Variants in CLHC1 observed in about 807,000 individuals in gnomAD.
The protein encoded by CLHC1 is clathrin heavy chain linker domain-containing protein 1.
Under a neutral mutation model 69.5 loss-of-function variants are expected in CLHC1, and 72 were observed. The observed-to-expected ratio is 1.04, with a 90% confidence interval of 0.86 to 1.26. The LOEUF is 1.26. CLHC1 is among the 50% of genes most tolerant of loss of function. The pLI is 0.00. For synonymous variants in CLHC1, 223 were observed against 224.3 expected (o/e 0.99, Z 0.05); for missense variants, 790 against 679.3 (o/e 1.16, Z -1.81).
intron 7 of CLHC1, 73 bp from the exon 8 acceptor site, chr2:55,208,783 G>T: frequency 1.0e-6 from 1 of 964,762 alleles, no homozygotes; most frequent in Non-Finnish European, 1.6e-6. Context: ...ACATACATGT[G>T]TTTAATACCA....
chr2:55,177,661 G>GAGAACAGATGAAGTATAGCAAGACC lies in CLHC1; in HGVS notation c.1480_1504dup (p.Ser502TrpfsTer18). The GAGAACAGATGAAGTATAGCAAGACC allele has an allele frequency of 6.2e-7, 1 of 1,612,458 alleles. No individual in the cohort carries two copies. The highest frequency in any genetic ancestry group is 8.5e-7 in the Non-Finnish European group (1 of 1,178,922). Reference sequence around the variant, plus strand: ...AATGCCAACTTTTTTCATGTCTGCAGAGAACAGATGAAGTATAGCAAGACC... The same window carrying GAGAACAGATGAAGTATAGCAAGACC: ...AATGCCAACTTTTTTCATGTCTGCAGAGAACAGATGAAGTATAGCAAGACCAGAACAGATGAAGTATAGCAAGACC... On this transcript the variant is annotated frameshift_variant, in exon 12 of 13. Coordinates refer to ENST00000401408, the MANE Select transcript of CLHC1 (RefSeq NM_152385.4). LOFTEE classifies it high-confidence loss of function.
At chr2:55,196,731 G>A (rs1161611653) in intron 9 of CLHC1, among the ~76,000 whole-genome samples, 1 of 152,208 alleles carries the variant, frequency 6.6e-6, no homozygotes, top group East Asian at 1.9e-4. Flanking sequence ...GTAAGACTCT[G>A]AGATATGCTG....
At chr2:55,190,162 A>C (rs555529737) in intron 9 of CLHC1, among the ~76,000 whole-genome samples, 1 of 152,006 alleles carries the variant, frequency 6.6e-6, no homozygotes, top group East Asian at 1.9e-4. Context: ...CTCCTGCCTC[A>C]GCCTCCCGAG....
chr2:55,224,520 G>T, intron 2 of CLHC1: 1 of 311,510 alleles, frequency 3.2e-6, no homozygotes, highest in South Asian at 2.7e-5. Flanking sequence ...AGTGATCCTG[G>T]AGTCTGAGAA....
Position 55,218,030 on chromosome 2 carries a change from A to G in CLHC1, c.178-32T>C, listed in dbSNP as rs778530225. 7 of 1,220,942 alleles carry G rather than the reference A, an allele frequency of 5.7e-6. No individual in the cohort carries two copies. The Admixed American group carries it at 8.9e-5, about 16-fold the overall frequency. 75.6% of individuals were successfully genotyped at this position (1,220,942 alleles called of 1,614,324 possible). ...TATTATTTTTCTGCCTATGGTATTG[A>G]TTTTTTTTCTAGGAGGCTATGGATT... On this transcript the variant is annotated intron_variant, in intron 3 of 12. Coordinates refer to ENST00000401408, the MANE Select transcript of CLHC1 (RefSeq NM_152385.4).
Position 55,195,632 on chromosome 2 carries a change from T to G in CLHC1, c.1006+10638A>C, listed in dbSNP as rs1190333769. On this transcript the variant is annotated intron_variant, in intron 9 of 12. Transcript: ENST00000401408. Reference sequence around the variant, plus strand: ...GCCTGGCCAACATGGTGAAACCCCATCTCTACTAAAAATACAAAAATTAGC... The same window carrying G: ...GCCTGGCCAACATGGTGAAACCCCAGCTCTACTAAAAATACAAAAATTAGC... 2.0e-5 allele frequency among the ~76,000 whole-genome samples: 3 copies of G among 151,942 alleles called. No individual in the cohort carries two copies. The East Asian group carries it at 5.8e-4, about 29-fold the overall frequency.
At chr2:55,209,342 A>ACTAG (rs1672756650) in intron 7 of CLHC1, 62 bp downstream of exon 7, 2 of 992,844 alleles carry the variant, frequency 2.0e-6, no homozygotes, top group South Asian at 1.5e-5. Flanking sequence ...CCCCATTCTA[A>ACTAG]CTAGCTAGCG....
Position 55,212,663 on chromosome 2 carries a change from A to T in CLHC1, c.499+10T>A. ...GATTTCTCTCAAATATTTTAAACAA[A>T]ATACAATACCTGGAATAGGTTTTGA... On this transcript the variant is annotated intron_variant, in intron 5 of 12. Transcript: ENST00000401408. 6.3e-7 allele frequency: 1 copy of T among 1,581,166 alleles called. No individual in the cohort carries two copies.
chr2:55,223,819 G>T (rs1294544206), intron 2 of CLHC1, among the ~76,000 whole-genome samples: 1 of 150,958 alleles, frequency 6.6e-6, no homozygotes, highest in Non-Finnish European at 1.5e-5. Flanking sequence ...TTTTTGAGAC[G>T]GAGTCTCGCT....
chr2:55,176,104 G>T (rs1669367270), intron 12 of CLHC1, 118 bp from the exon 13 acceptor site: 1 of 789,298 alleles, frequency 1.3e-6, no homozygotes, highest in Admixed American at 2.7e-5. Flanking sequence ...AACTCTACCT[G>T]ATTCCCCTAA....
rs1263638775 is a variant in CLHC1, at chr2:55,212,810, G to C, written c.366-4C>G. 12 of 1,597,662 alleles carry C rather than the reference G, an allele frequency of 7.5e-6. No homozygotes were observed. The highest frequency in any genetic ancestry group is 2.7e-5 in the African/African-American group (2 of 74,532). ...ATTACTTTCGATAATCCTCATTCTGGAAAACAGAAAGGCTTTCTTATGTCT... is the reference window on the plus strand; with the variant it reads ...ATTACTTTCGATAATCCTCATTCTGCAAAACAGAAAGGCTTTCTTATGTCT... On this transcript the variant is annotated splice_polypyrimidine_tract_variant and splice_region_variant and intron_variant, in intron 4 of 12. Coordinates refer to ENST00000401408, the MANE Select transcript of CLHC1 (RefSeq NM_152385.4).
At chr2:55,188,453 C>A (rs1329672451) in intron 9 of CLHC1, among the ~76,000 whole-genome samples, 2 of 152,068 alleles carry the variant, frequency 1.3e-5, no homozygotes, top group African/African-American at 2.4e-5. Context: ...ACACTACCAA[C>A]CATTGTCAAA....
intron 9 of CLHC1, among the ~76,000 whole-genome samples, chr2:55,193,747 T>C (rs1671145183): frequency 6.6e-6 from 1 of 152,136 alleles, no homozygotes; most frequent in Non-Finnish European, 1.5e-5. Flanking sequence ...ACCATATAAT[T>C]TAGCTTGGCA....
At chr2:55,197,898 T>C (rs1671573029) in intron 9 of CLHC1, among the ~76,000 whole-genome samples, 1 of 152,154 alleles carries the variant, frequency 6.6e-6, no homozygotes, top group South Asian at 2.1e-4. Flanking sequence ...ATATGTAACC[T>C]TTCAGGCAGA....
rs1674204113 is a variant in CLHC1 at position 55,222,275 on chromosome 2, G to A, written c.137C>T (p.Ala46Val). Residue 46 changes from alanine to valine, a missense_variant, in exon 3 of 13, where the codon GCT becomes GTT. Transcript: ENST00000401408. ...TCGGTATATGATGTAATATTCATCAGCAGGTCCTTCCTCACTACAGCCCAG... is the reference window on the plus strand; with the variant it reads ...TCGGTATATGATGTAATATTCATCAACAGGTCCTTCCTCACTACAGCCCAG... Reference protein sequence around the residue: ...ERLGCSEEGPADEYYIIYRNV... With the variant: ...ERLGCSEEGPVDEYYIIYRNV... The A allele has an allele frequency of 1.9e-6, 3 of 1,613,432 alleles. No homozygotes were observed. The highest frequency in any genetic ancestry group is 2.5e-6 in the Non-Finnish European group (3 of 1,179,602).
intron 3 of CLHC1, among the ~76,000 whole-genome samples, chr2:55,219,057 G>T (rs1465214592): frequency 6.6e-6 from 1 of 152,144 alleles, no homozygotes; most frequent in African/African-American, 2.4e-5. Flanking sequence ...GGTGATACTT[G>T]TGGTCTTTTA....
intron 2 of CLHC1, chr2:55,224,435 T>C: frequency 2.4e-6 from 1 of 424,974 alleles, no homozygotes; most frequent in Non-Finnish European, 4.8e-6. Context: ...TCCCTTCACC[T>C]CCGACAATGT....
chr2:55,177,595 T>A lies in CLHC1; in HGVS notation c.1564+7A>T, dbSNP rs752200561. 7 of 1,583,338 alleles carry A rather than the reference T, an allele frequency of 4.4e-6. No homozygotes were observed. The South Asian group carries it at 8.0e-5, about 18-fold the overall frequency. ...CTATTTCTCCCACAACATTTTATTC[T>A]ACTTACCTATCCCACCTTTATTGAT... On this transcript the variant is annotated splice_region_variant and intron_variant, in intron 12 of 12. Coordinates refer to ENST00000401408, the MANE Select transcript of CLHC1 (RefSeq NM_152385.4).
rs1344349759 is a variant in CLHC1 at position 55,208,846 on chromosome 2, GC to G, written c.815-137del. 28 of 519,436 alleles carry G rather than the reference GC, an allele frequency of 5.4e-5. No homozygotes were observed. In the Admixed American group the frequency reaches 6.0e-4, roughly 11 times the overall value. The allele number at this position is 519,436 out of a possible 1,614,324, so 32.2% of individuals were successfully genotyped here. On this transcript the variant is annotated intron_variant, in intron 7 of 12. Transcript: ENST00000401408. The stretch of plus-strand genomic sequence containing the variant: ...CAGCAACCTCTTCCTAAACTTAGTG[GC>G]CTCCCCGTCCCTTTCCTCTTTTTTT...
Sources: allele counts gnomAD v4.1 joint callset (sites outside exome capture counted in the v4.1 genomes callset), GRCh38; gene constraint gnomAD v4.1.1; transcripts MANE v1.5; gene names NCBI Gene and HGNC (gene_info 2026-07-23, HGNC 2026-07-21).